Variants in SPAG16 observed in about 807,000 individuals in gnomAD.
The protein encoded by SPAG16 is sperm-associated antigen 16 protein.
A neutral mutation model predicts 80.4 loss-of-function variants in SPAG16; 86 were observed. That is an observed-to-expected ratio of 1.07 (90% CI 0.90 to 1.28). SPAG16 has a LOEUF of 1.28. SPAG16 is among the 50% of genes most tolerant of loss of function. SPAG16 has a pLI of 0.00. For missense variants in SPAG16, 870 were observed against 765.3 expected (o/e 1.14, Z -1.61); for synonymous variants, 294 against 265.9 (o/e 1.11, Z -1.03).
chr2:214,265,097 T>C (rs1434656198), intron 15 of SPAG16, among the ~76,000 whole-genome samples: 2 of 152,172 alleles, frequency 1.3e-5, no homozygotes, highest in Non-Finnish European at 2.9e-5. Flanking sequence ...ACATCAAGTT[T>C]TCAACTCTTT....
Position 214,246,631 on chromosome 2 carries a change from C to T in SPAG16, c.1720+97365C>T, listed in dbSNP as rs958623048. On this transcript the variant is annotated intron_variant, in intron 15 of 15. Coordinates refer to ENST00000331683, the MANE Select transcript of SPAG16 (RefSeq NM_024532.5). ...AGAGCAGCCAGGCAGTCCTCAGCTT[C>T]CCCAGCCACTCACCATTGCAGCTTC... Among the ~76,000 whole-genome samples the T allele has an allele frequency of 7.9e-5, 12 of 152,170 alleles. 1 individual carries two copies. The highest frequency in any genetic ancestry group is 2.9e-4 in the African/African-American group (12 of 41,534).
intron 10 of SPAG16, among the ~76,000 whole-genome samples, chr2:213,634,942 A>T (rs959510794): frequency 1.3e-5 from 2 of 151,836 alleles, no homozygotes; most frequent in Non-Finnish European, 2.9e-5. Context: ...TCACTCATAT[A>T]TATATATATT....
At chr2:214,236,306 G>A (rs1050965148) in intron 15 of SPAG16, among the ~76,000 whole-genome samples, 2 of 152,238 alleles carry the variant, frequency 1.3e-5, no homozygotes, top group East Asian at 1.9e-4. Flanking sequence ...GAGCATAGGT[G>A]CTTATAAAGA....
At chr2:214,256,629 A>AAAAC (rs766481004) in intron 15 of SPAG16, among the ~76,000 whole-genome samples, 2 of 151,928 alleles carry the variant, frequency 1.3e-5, no homozygotes, top group African/African-American at 4.8e-5. Context: ...CCATGTGTTT[A>AAAAC]AAACAAACAA....
chr2:213,432,170 A>G (rs1046685763), intron 9 of SPAG16, among the ~76,000 whole-genome samples: 7 of 152,248 alleles, frequency 4.6e-5, no homozygotes, highest in South Asian at 4.1e-4. Flanking sequence ...ACCTCACATC[A>G]CATTTGAAGG....
intron 8 of SPAG16, among the ~76,000 whole-genome samples, chr2:213,373,737 T>C (rs575552541): frequency 6.6e-6 from 1 of 152,312 alleles, no homozygotes; most frequent in Admixed American, 6.5e-5. Flanking sequence ...CCTTCTCATA[T>C]ACAATGGGAA....
chr2:214,194,086 A>G (rs935185794), intron 15 of SPAG16, among the ~76,000 whole-genome samples: 30 of 152,128 alleles, frequency 2.0e-4, no homozygotes, highest in African/African-American at 7.0e-4. Flanking sequence ...CAAGCAAGAC[A>G]TTATTTAAGA....
At chr2:214,191,727 G>GAAAA (rs367694225) in intron 15 of SPAG16, among the ~76,000 whole-genome samples, 2 of 115,818 alleles carry the variant, frequency 1.7e-5, no homozygotes, top group African/African-American at 3.1e-5. Flanking sequence ...AAAAAAAAAA[G>GAAAA]AAAAAAAAAA....
chr2:214,388,968 T>C (rs1421589503), intron 15 of SPAG16, among the ~76,000 whole-genome samples: 1 of 152,184 alleles, frequency 6.6e-6, no homozygotes, highest in Non-Finnish European at 1.5e-5. Context: ...AAAAGCTCAG[T>C]GACCTACCAA....
In SPAG16 at chr2:213,828,381, T is replaced by A. The variant is rs138229170; in HGVS notation, c.1071-34104T>A. On this transcript the variant is annotated intron_variant, in intron 10 of 15. Transcript: ENST00000331683. ...TTTCTTCTTGATTTTTCTTTATTAT[T>A]TCAATTTCTTTGTTAAATGTATTTG... 8.2e-4 allele frequency among the ~76,000 whole-genome samples: 125 copies of A among 152,306 alleles called. 2 individuals carry two copies. In the East Asian group the frequency reaches 0.021, roughly 26 times the overall value.
At chr2:214,210,968 C>T (rs1195064344) in intron 15 of SPAG16, among the ~76,000 whole-genome samples, 2 of 151,810 alleles carry the variant, frequency 1.3e-5, no homozygotes, top group Admixed American at 6.6e-5. Flanking sequence ...AAGAAAGATG[C>T]CATAATATAT....
chr2:214,032,818 A>C (rs2125056984), intron 13 of SPAG16, among the ~76,000 whole-genome samples: 1 of 152,318 alleles, frequency 6.6e-6, no homozygotes, highest in East Asian at 1.9e-4. Context: ...GTTTAGGTGC[A>C]AAGACTATGG....
Position 214,378,324 on chromosome 2 carries a change from A to C in SPAG16, c.1721-31816A>C, listed in dbSNP as rs565400682. On this transcript the variant is annotated intron_variant, in intron 15 of 15. Transcript: ENST00000331683. The stretch of plus-strand genomic sequence containing the variant: ...ATGGCAGGAAACTCAAACTGGTTTA[A>C]ATAATAGGATAGCAAGAAGATGCAT... 3.9e-5 allele frequency among the ~76,000 whole-genome samples: 6 copies of C among 152,336 alleles called. No homozygotes were observed. The East Asian group carries it at 9.6e-4, about 24-fold the overall frequency.
At chr2:213,876,805 T>A (rs1225047619) in intron 11 of SPAG16, among the ~76,000 whole-genome samples, 2 of 152,178 alleles carry the variant, frequency 1.3e-5, no homozygotes, top group Admixed American at 1.3e-4. Flanking sequence ...TTTCTGTCTC[T>A]CCATAATTTC....
At chr2:213,860,021 C>T (rs200154720) in intron 10 of SPAG16, among the ~76,000 whole-genome samples, 1 of 84,408 alleles carries the variant, frequency 1.2e-5, no homozygotes, top group Non-Finnish European at 2.8e-5. Context: ...ATGATGATGA[C>T]AGTTATGTCT....
Position 213,833,468 on chromosome 2 carries a change from TATATAATAA to T in SPAG16, c.1071-29016_1071-29008del, listed in dbSNP as rs2073817489. ...ATATATATATATTATATATATATTA[TATATAATAA>T]TATATATATTATATATAATATATAT... On this transcript the variant is annotated intron_variant, in intron 10 of 15. Coordinates refer to ENST00000331683, the MANE Select transcript of SPAG16 (RefSeq NM_024532.5). Among the ~76,000 whole-genome samples, 2 of 23,768 alleles carry T rather than the reference TATATAATAA, an allele frequency of 8.4e-5. 1 individual carries two copies. Among genetic ancestry groups the T allele is most frequent in the African/African-American group, 2.9e-4 (2 of 6,978 alleles). The allele number at this position is 23,768 out of a possible 152,430, so 15.6% of individuals were successfully genotyped here. A position where few individuals can be genotyped will look rare whatever the true frequency, so the allele number is the denominator to read the frequency against.
chr2:214,197,859 A>AAT (rs904514759), intron 15 of SPAG16, among the ~76,000 whole-genome samples: 41 of 151,546 alleles, frequency 2.7e-4, no homozygotes, highest in African/African-American at 9.2e-4. Context: ...AGATTTCTAA[A>AAT]ATATATATAT....
chr2:213,982,629 G>GTGTT (rs2045813587), intron 12 of SPAG16, among the ~76,000 whole-genome samples: 1 of 149,126 alleles, frequency 6.7e-6, no homozygotes, highest in Admixed American at 6.7e-5. Flanking sequence ...GTGTGTGTGT[G>GTGTT]TGTGTGTGTG....
chr2:213,939,682 G>C (rs2079122337), intron 12 of SPAG16, among the ~76,000 whole-genome samples: 1 of 152,150 alleles, frequency 6.6e-6, no homozygotes, highest in Non-Finnish European at 1.5e-5. Context: ...AAACTTTCCT[G>C]TGATGGTTCT....
Sources: allele counts gnomAD v4.1 joint callset (sites outside exome capture counted in the v4.1 genomes callset), GRCh38; gene constraint gnomAD v4.1.1; transcripts MANE v1.5; gene names NCBI Gene and HGNC (gene_info 2026-07-23, HGNC 2026-07-21).